The following ZNF678 variants were observed in gnomAD, a reference collection of about 807,000 sequenced individuals.
ZNF678 encodes the protein hypothetical protein MGC42493.
ZNF678 carries 5 observed loss-of-function variants against 3.0 expected under a neutral mutation model. The ratio of observed to expected loss-of-function variants is 1.69; its 90% CI spans 0.88 to 3.56. The LOEUF is 3.56. Among genes scored for constraint, ZNF678 ranks in the 30% most tolerant of loss-of-function variants. The probability of loss-of-function intolerance (pLI) is 0.00; values close to 1 mark genes in which losing one functional copy is unlikely to be tolerated. For synonymous variants in ZNF678, 218 were observed against 199.6 expected, an observed-to-expected ratio of 1.09 and a Z score of -0.78; for missense variants, 593 against 605.0, an observed-to-expected ratio of 0.98 and a Z score of 0.21.
downstream of ZNF678, among the ~76,000 whole-genome samples, chr1:227,665,023 G>T (rs1462331258): frequency 2.0e-5 from 3 of 152,106 alleles, no homozygotes; most frequent in Non-Finnish European, 4.4e-5. Flanking sequence ...GTGTATTTTG[G>T]TGCCTACCCA....
intron 5 of ZNF678, among the ~76,000 whole-genome samples, chr1:227,674,696 G>A (rs566401041): frequency 4.7e-5 from 7 of 150,158 alleles, no homozygotes; most frequent in African/African-American, 9.8e-5. Flanking sequence ...TCTGCCTCCC[G>A]GGTTCAAGCG....
chr1:227,574,499 C>T (rs1288436973), intron 1 of ZNF678, among the ~76,000 whole-genome samples: 2 of 152,040 alleles, frequency 1.3e-5, no homozygotes, highest in Non-Finnish European at 2.9e-5. Flanking sequence ...ATTTCCTTTG[C>T]CCACTTTTTA....
chr1:227,660,764 A>G lies in ZNF678; in HGVS notation c.*4936A>G, dbSNP rs1659383856. The G allele has an allele frequency of 6.6e-6, 1 of 152,172 alleles. No individual in the cohort carries two copies. The highest frequency in any genetic ancestry group is 2.1e-4 in the South Asian group (1 of 4,832). 9.4% of individuals were successfully genotyped at this position (152,172 alleles called of 1,614,324 possible). ...TTAAATAAGAGTGATGAAGTTAGATATATTTGCCTTACTATAACTCTTAGA... is the reference window on the plus strand; with the variant it reads ...TTAAATAAGAGTGATGAAGTTAGATGTATTTGCCTTACTATAACTCTTAGA... On this transcript the variant is annotated 3_prime_UTR_variant, in exon 4 of 4. Coordinates refer to ENST00000343776, the MANE Select transcript of ZNF678 (RefSeq NM_001367909.1).
At chr1:227,594,824 C>G (rs1657519811) in intron 1 of ZNF678, among the ~76,000 whole-genome samples, 1 of 152,180 alleles carries the variant, frequency 6.6e-6, no homozygotes. Context: ...ATATAATACT[C>G]TTTTTACATA....
intron 1 of ZNF678, among the ~76,000 whole-genome samples, chr1:227,604,853 CTTTTA>C (rs1233688447): frequency 1.3e-5 from 2 of 151,692 alleles, no homozygotes; most frequent in African/African-American, 2.4e-5. Context: ...TCAGTTAGCA[CTTTTA>C]TTTTATTTTA....
chr1:227,568,586 G>C (rs189389105), intron 1 of ZNF678, among the ~76,000 whole-genome samples: 2 of 152,210 alleles, frequency 1.3e-5, no homozygotes, highest in Non-Finnish European at 2.9e-5. Flanking sequence ...TCATTTGGCT[G>C]TTTTGAGATG....
At chr1:227,621,100 A>G (rs932442676) in intron 1 of ZNF678, among the ~76,000 whole-genome samples, 2 of 152,132 alleles carry the variant, frequency 1.3e-5, no homozygotes, top group African/African-American at 2.4e-5. Flanking sequence ...GAAAAAGTCA[A>G]CCAGATGTAG....
At chr1:227,598,272 A>C (rs1657645886) in intron 1 of ZNF678, among the ~76,000 whole-genome samples, 2 of 152,238 alleles carry the variant, frequency 1.3e-5, no homozygotes, top group South Asian at 4.1e-4. Flanking sequence ...GCCCTTTCAC[A>C]CAGTGGCATC....
intron 1 of ZNF678, among the ~76,000 whole-genome samples, chr1:227,576,329 A>T (rs1421570871): frequency 6.6e-6 from 1 of 152,238 alleles, no homozygotes; most frequent in Non-Finnish European, 1.5e-5. Flanking sequence ...GAATGGAACC[A>T]GCTGTTCTTT....
rs1659255053 is a variant in ZNF678, at chr1:227,656,551, A to T, written c.*723A>T. ...GAGCTATGAGAAGTTCTTCTATATT[A>T]GATGACCATCATTTATATGCTTTTT... On this transcript the variant is annotated 3_prime_UTR_variant, in exon 4 of 4. Coordinates refer to ENST00000343776, the MANE Select transcript of ZNF678 (RefSeq NM_001367909.1). 6.6e-6 allele frequency: 1 copy of T among 151,936 alleles called. No individual in the cohort carries two copies. The highest frequency in any genetic ancestry group is 6.6e-5 in the Admixed American group (1 of 15,218). 9.4% of individuals were successfully genotyped at this position (151,936 alleles called of 1,614,324 possible). A position where few individuals can be genotyped will look rare whatever the true frequency, so the allele number is the denominator to read the frequency against.
At chr1:227,599,033 C>T (rs1296114874) in intron 1 of ZNF678, 4 of 1,553,806 alleles carry the variant, frequency 2.6e-6, no homozygotes, top group Non-Finnish European at 3.5e-6. Context: ...TACTTCTTCC[C>T]AGGTAGGCCT....
At chr1:227,632,481 G>T (rs1049534006) in intron 1 of ZNF678, among the ~76,000 whole-genome samples, 1 of 152,090 alleles carries the variant, frequency 6.6e-6, no homozygotes, top group Non-Finnish European at 1.5e-5. Context: ...CCATGATCTC[G>T]ACCGGCCAAT....
Position 227,655,143 on chromosome 1 carries a change from G to GT in ZNF678, c.894dup (p.Gly299TrpfsTer14). Reference sequence around the variant, plus strand: ...GAGAAACCCTACAAATGTGAAGAATGTGGCAAAGCCTTTACACAGTTTGCA... The same window carrying GT: ...GAGAAACCCTACAAATGTGAAGAATGTTGGCAAAGCCTTTACACAGTTTGCA... On this transcript the variant is annotated frameshift_variant, in exon 4 of 4. Coordinates refer to ENST00000343776, the MANE Select transcript of ZNF678 (RefSeq NM_001367909.1). LOFTEE classifies it low-confidence loss of function (END_TRUNC). The GT allele has an allele frequency of 6.2e-7, 1 of 1,613,100 alleles. No homozygotes were observed. Among genetic ancestry groups the GT allele is most frequent in the Admixed American group, 1.7e-5 (1 of 59,758 alleles).
At chr1:227,574,066 G>T (rs187361577) in intron 1 of ZNF678, among the ~76,000 whole-genome samples, 5 of 152,170 alleles carry the variant, frequency 3.3e-5, no homozygotes, top group Admixed American at 6.5e-5. Context: ...CTTTATTCAG[G>T]CTATTATTGA....
chr1:227,613,875 C>T (rs1658082131), intron 1 of ZNF678, among the ~76,000 whole-genome samples: 1 of 152,188 alleles, frequency 6.6e-6, no homozygotes, highest in Non-Finnish European at 1.5e-5. Context: ...CCAACAAGTA[C>T]TGCTGGAGTC....
At position 227,655,831 on chromosome 1, in the gene ZNF678, A is replaced by T. The variant is rs375656036; in HGVS notation, c.*3A>T. The T allele has an allele frequency of 6.4e-7, 1 of 1,555,402 alleles. No homozygotes were observed. The highest frequency in any genetic ancestry group is 8.7e-7 in the Non-Finnish European group (1 of 1,155,828). On this transcript the variant is annotated 3_prime_UTR_variant, in exon 4 of 4. Coordinates refer to ENST00000343776, the MANE Select transcript of ZNF678 (RefSeq NM_001367909.1). ...GTAAAAAATGTGGCAGTCTTTAAAA[A>T]CTGCTTCATTATACATGGCTTCACT... is the stretch of plus-strand genomic sequence containing the variant.
At chr1:227,630,832 G>C (rs1356556482) in intron 1 of ZNF678, among the ~76,000 whole-genome samples, 2 of 152,188 alleles carry the variant, frequency 1.3e-5, no homozygotes, top group African/African-American at 2.4e-5. Flanking sequence ...GGTAGACTCT[G>C]AGAGCTTCCT....
chr1:227,586,035 A>G (rs1657253326), intron 1 of ZNF678, among the ~76,000 whole-genome samples: 1 of 152,170 alleles, frequency 6.6e-6, no homozygotes, highest in African/African-American at 2.4e-5. Context: ...GCAATAAAAA[A>G]TGATGAGCCA....
intron 1 of ZNF678, among the ~76,000 whole-genome samples, chr1:227,589,776 G>C (rs1657361909): frequency 6.6e-6 from 1 of 151,768 alleles, no homozygotes; most frequent in African/African-American, 2.4e-5. Context: ...GTCAGGGGTC[G>C]ATCTTTAACT....
Sources: allele counts gnomAD v4.1 joint callset (sites outside exome capture counted in the v4.1 genomes callset), GRCh38; gene constraint gnomAD v4.1.1; transcripts MANE v1.5; gene names NCBI Gene and HGNC (gene_info 2026-07-23, HGNC 2026-07-21).